The following NKAIN3 variants were observed in gnomAD, a reference collection of about 807,000 sequenced individuals.
NKAIN3 encodes sodium/potassium transporting ATPase interacting 3.
In NKAIN3, 25 loss-of-function variants were observed where a neutral mutation model predicts 30.2. That is an observed-to-expected ratio of 0.83 (90% CI 0.60 to 1.16). The LOEUF is 1.16. NKAIN3 is among the 50% of genes most tolerant of loss of function. NKAIN3 has a pLI of 0.00. For missense variants in NKAIN3, 225 were observed against 254.1 expected, an observed-to-expected ratio of 0.89 and a Z score of 0.78; for synonymous variants, 91 against 89.6, an observed-to-expected ratio of 1.02 and a Z score of -0.09.
At chr8:62,683,414 CA>C (rs912418440) in intron 3 of NKAIN3, among the ~76,000 whole-genome samples, 55 of 152,228 alleles carry the variant, frequency 3.6e-4, no homozygotes, top group African/African-American at 1.1e-3. Context: ...ACCAGGAAAA[CA>C]ATACTAAGGA....
chr8:62,736,204 A>C (rs985945194), intron 3 of NKAIN3, among the ~76,000 whole-genome samples: 3 of 152,178 alleles, frequency 2.0e-5, no homozygotes, highest in African/African-American at 7.2e-5. Context: ...GGTCACCTGG[A>C]TAAGTTTCTC....
At chr8:62,904,618 T>C (rs960028949) in intron 4 of NKAIN3, among the ~76,000 whole-genome samples, 1 of 152,214 alleles carries the variant, frequency 6.6e-6, no homozygotes, top group African/African-American at 2.4e-5. Flanking sequence ...ACAAGGGAAC[T>C]TCAGAATTGC....
chr8:62,785,735 A>G (rs892299294), intron 4 of NKAIN3, among the ~76,000 whole-genome samples: 1 of 152,186 alleles, frequency 6.6e-6, no homozygotes, highest in Admixed American at 6.5e-5. Context: ...CAATGAATAG[A>G]CATATTGTCA....
chr8:62,399,179 C>T (rs1200507631), intron 1 of NKAIN3, among the ~76,000 whole-genome samples: 2 of 152,204 alleles, frequency 1.3e-5, no homozygotes, highest in Non-Finnish European at 2.9e-5. Flanking sequence ...ATATTTACAT[C>T]ATTTTTTTCA....
chr8:62,954,955 C>CT (rs1322324327), intron 6 of NKAIN3, among the ~76,000 whole-genome samples: 1 of 152,100 alleles, frequency 6.6e-6, no homozygotes, highest in African/African-American at 2.4e-5. Flanking sequence ...GCTCAGTGTT[C>CT]TGTAATTTGA....
intron 4 of NKAIN3, among the ~76,000 whole-genome samples, chr8:62,910,917 C>T (rs1326029859): frequency 9.9e-5 from 15 of 152,074 alleles, no homozygotes; most frequent in Admixed American, 9.8e-4. Flanking sequence ...CCAGTAAATG[C>T]CAATGGATGA....
chr8:62,336,977 G>A (rs1815572938), intron 1 of NKAIN3, among the ~76,000 whole-genome samples: 3 of 152,106 alleles, frequency 2.0e-5, no homozygotes, highest in Non-Finnish European at 4.4e-5. Flanking sequence ...GAGAACCCAA[G>A]AAGGCTAACA....
chr8:62,817,364 CA>C, intron 4 of NKAIN3, among the ~76,000 whole-genome samples: 1 of 152,202 alleles, frequency 6.6e-6, no homozygotes, highest in African/African-American at 2.4e-5. Flanking sequence ...GTGAACTTTC[CA>C]TATATTTTCA....
intron 4 of NKAIN3, among the ~76,000 whole-genome samples, chr8:62,828,744 A>T (rs1218397335): frequency 6.6e-6 from 1 of 152,146 alleles, no homozygotes; most frequent in Non-Finnish European, 1.5e-5. Context: ...CTACCTTGAC[A>T]TGGAACACTT....
At chr8:62,324,167 G>A (rs1815035681) in intron 1 of NKAIN3, among the ~76,000 whole-genome samples, 2 of 152,124 alleles carry the variant, frequency 1.3e-5, no homozygotes, top group South Asian at 4.2e-4. Context: ...GTACCACAAT[G>A]TTGCTAAATC....
In NKAIN3 at chr8:62,614,894, C is replaced by T. The variant is rs144810133; in HGVS notation, c.273+25100C>T. Among the ~76,000 whole-genome samples, 165 of 152,220 alleles carry T rather than the reference C, an allele frequency of 1.1e-3. 1 individual carries two copies. Among genetic ancestry groups the T allele is most frequent in the African/African-American group, 2.3e-3 (96 of 41,558 alleles). On this transcript the variant is annotated intron_variant, in intron 3 of 6. Transcript: ENST00000623646. ...TGCTTCCTGGACTCACCCTTCAAGA[C>T]GGTGAACTCCCCTCTGGCCCAGGGC... is the stretch of plus-strand genomic sequence containing the variant.
At chr8:62,753,961 AAC>A (rs1816369163) in intron 4 of NKAIN3, among the ~76,000 whole-genome samples, 1 of 152,160 alleles carries the variant, frequency 6.6e-6, no homozygotes, top group African/African-American at 2.4e-5. Flanking sequence ...TAAAACATGA[AAC>A]AGTTTTTTAT....
intron 4 of NKAIN3, among the ~76,000 whole-genome samples, chr8:62,881,605 G>A (rs982682716): frequency 6.6e-6 from 1 of 152,154 alleles, no homozygotes; most frequent in Non-Finnish European, 1.5e-5. Flanking sequence ...ATATTTCATT[G>A]TCTAGATATA....
At chr8:62,753,574 G>A (rs982338143) in intron 4 of NKAIN3, among the ~76,000 whole-genome samples, 3 of 151,964 alleles carry the variant, frequency 2.0e-5, no homozygotes, top group African/African-American at 7.2e-5. Flanking sequence ...AAACAGTTTG[G>A]TATAAAATAT....
chr8:62,486,565 G>A (rs996115884), intron 1 of NKAIN3, among the ~76,000 whole-genome samples: 2 of 152,126 alleles, frequency 1.3e-5, no homozygotes, highest in African/African-American at 2.4e-5. Flanking sequence ...GCTGAGTGGG[G>A]CATCCCTTGC....
chr8:62,601,571 A>G (rs1363157197), intron 3 of NKAIN3, among the ~76,000 whole-genome samples: 1 of 151,998 alleles, frequency 6.6e-6, no homozygotes, highest in Non-Finnish European at 1.5e-5. Flanking sequence ...ACATATTAGT[A>G]GGTATGTATC....
At chr8:62,675,220 A>G (rs533126931) in intron 3 of NKAIN3, among the ~76,000 whole-genome samples, 1 of 152,284 alleles carries the variant, frequency 6.6e-6, no homozygotes, top group African/African-American at 2.4e-5. Context: ...TAAAAATTAG[A>G]AGTGATTTTT....
chr8:62,709,254 T>G (rs114912580), intron 3 of NKAIN3, among the ~76,000 whole-genome samples: 4,041 of 152,246 alleles, frequency 0.027, 191 homozygotes, highest in African/African-American at 0.093. Context: ...TTAGGCAGGA[T>G]TCCTTCTTCC....
At chr8:62,754,806 G>A (rs1368131746) in intron 4 of NKAIN3, among the ~76,000 whole-genome samples, 1 of 152,086 alleles carries the variant, frequency 6.6e-6, no homozygotes, top group African/African-American at 2.4e-5. Context: ...TTCTCCAAAG[G>A]CTGTATAGCT....
Sources: allele counts gnomAD v4.1 joint callset (sites outside exome capture counted in the v4.1 genomes callset), GRCh38; gene constraint gnomAD v4.1.1; transcripts MANE v1.5; gene names NCBI Gene and HGNC (gene_info 2026-07-23, HGNC 2026-07-21).